The following KNTC1 variants were observed in gnomAD, a reference collection of about 807,000 sequenced individuals.
KNTC1 encodes kinetochore associated 1, also known as kinetochore-associated protein 1.
A neutral mutation model predicts 314.4 loss-of-function variants in KNTC1; 253 were observed. That is an observed-to-expected ratio of 0.80 (90% confidence interval 0.73 to 0.89). The LOEUF (loss-of-function observed/expected upper bound fraction) is 0.89. Ranked by LOEUF, KNTC1 falls within the 40% of genes least tolerant of loss-of-function variation. The pLI, the probability that KNTC1 is intolerant of heterozygous loss-of-function variation, is 0.00. For missense variants in KNTC1, 2,475 were observed against 2,572.9 expected (o/e 0.96, Z 0.82); for synonymous variants, 901 against 901.4 (o/e 1.00, Z 0.01).
At chr12:122,613,889 G>A in intron 55 of KNTC1, 128 bp downstream of exon 55, 1 of 913,088 alleles carries the variant, frequency 1.1e-6, no homozygotes, top group Non-Finnish European at 1.5e-6. Context: ...TGCCCAGGCT[G>A]GAGTACAGTG....
At chr12:122,570,802 A>T in intron 22 of KNTC1, 74 bp from the exon 23 acceptor site, 1 of 989,682 alleles carries the variant, frequency 1.0e-6, no homozygotes, top group East Asian at 2.6e-5. Flanking sequence ...AAGGAAAAAA[A>T]AGAAATCGTG....
At chr12:122,570,400 A>T (rs1043635769) in intron 22 of KNTC1, among the ~76,000 whole-genome samples, 1 of 151,850 alleles carries the variant, frequency 6.6e-6, no homozygotes, top group East Asian at 1.9e-4. Flanking sequence ...GCCTGTAATC[A>T]CAGCCACTCG....
At chr12:122,561,679 C>G (rs1404893862) in intron 18 of KNTC1, among the ~76,000 whole-genome samples, 1 of 151,996 alleles carries the variant, frequency 6.6e-6, no homozygotes, top group Non-Finnish European at 1.5e-5. Context: ...ATCCTGAACT[C>G]CTGAGCTCAA....
At chr12:122,534,837 G>T in intron 3 of KNTC1, 53 bp downstream of exon 3, 1 of 1,556,656 alleles carries the variant, frequency 6.4e-7, no homozygotes, top group Non-Finnish European at 8.8e-7. Context: ...AAATACATCT[G>T]CTGCCAATTT....
chr12:122,610,949 C>T (rs1566015348), intron 53 of KNTC1, 49 bp downstream of exon 53: 4 of 1,336,234 alleles, frequency 3.0e-6, no homozygotes, highest in African/African-American at 1.4e-5. Context: ...CTCAGCTTAA[C>T]ATTTTTTTCC....
chr12:122,564,597 A>T (rs962844876), intron 20 of KNTC1, among the ~76,000 whole-genome samples: 10 of 151,904 alleles, frequency 6.6e-5, no homozygotes, highest in African/African-American at 2.4e-4. Context: ...CCTCCCAAGT[A>T]GCTTGGGACT....
chr12:122,589,698 T>C (rs1869886538), intron 40 of KNTC1, among the ~76,000 whole-genome samples: 1 of 151,890 alleles, frequency 6.6e-6, no homozygotes, highest in Admixed American at 6.6e-5. Flanking sequence ...TCTTGGACTC[T>C]TGGCCTCGAG....
intron 17 of KNTC1, 37 bp downstream of exon 17, chr12:122,557,546 T>A: frequency 6.2e-7 from 1 of 1,611,874 alleles, no homozygotes; most frequent in Non-Finnish European, 8.5e-7. Flanking sequence ...GTATTTAGAT[T>A]GACGTGTTGA....
chr12:122,569,182 A>G (rs1216854659), intron 21 of KNTC1, among the ~76,000 whole-genome samples: 1 of 152,206 alleles, frequency 6.6e-6, no homozygotes, highest in Non-Finnish European at 1.5e-5. Context: ...CTAACTCCTA[A>G]TCTTAGCTCT....
chr12:122,555,764 G>A (rs868711947), intron 16 of KNTC1, among the ~76,000 whole-genome samples: 3 of 151,586 alleles, frequency 2.0e-5, no homozygotes, highest in Non-Finnish European at 4.4e-5. Context: ...CAGGAGAATC[G>A]CTTGAACCCG....
intron 16 of KNTC1, among the ~76,000 whole-genome samples, chr12:122,556,255 T>A (rs1170524020): frequency 6.6e-6 from 1 of 152,044 alleles, no homozygotes; most frequent in Admixed American, 6.6e-5. Context: ...TGAGCTCAGG[T>A]AATCCACCTG....
intron 5 of KNTC1, among the ~76,000 whole-genome samples, chr12:122,541,292 C>CCTTG: frequency 7.2e-6 from 1 of 138,992 alleles, no homozygotes. Flanking sequence ...TGCCTGCCTT[C>CCTTG]CTTCCTTCCT....
chr12:122,601,709 C>G, intron 45 of KNTC1, 84 bp downstream of exon 45: 2 of 1,217,142 alleles, frequency 1.6e-6, no homozygotes, highest in Non-Finnish European at 2.1e-6. Flanking sequence ...AGGGCCTTTC[C>G]AAATTATCCA....
In KNTC1 at chr12:122,624,582, C is replaced by A. The variant is rs746681919; in HGVS notation, c.6516-16C>A. 2.8e-5 allele frequency: 45 copies of A among 1,599,958 alleles called. 1 individual carries two copies. Among genetic ancestry groups the A allele is most frequent in the Non-Finnish European group, 3.6e-5 (42 of 1,168,832 alleles). On this transcript the variant is annotated splice_polypyrimidine_tract_variant and intron_variant, in intron 62 of 63. Coordinates refer to ENST00000333479, the MANE Select transcript of KNTC1 (RefSeq NM_014708.6). Reference sequence around the variant, plus strand: ...TGTGCTTGGCCTAACACTTCTTTTTCTTTTTGATTTTGTAGTTTAGATGAA... The same window carrying A: ...TGTGCTTGGCCTAACACTTCTTTTTATTTTTGATTTTGTAGTTTAGATGAA...
intron 5 of KNTC1, among the ~76,000 whole-genome samples, chr12:122,541,310 T>TTCCTTCCTTCCTTCCG (rs1270976375): frequency 2.1e-5 from 3 of 145,602 alleles, no homozygotes; most frequent in Non-Finnish European, 3.0e-5. Context: ...CCTTCCTTCC[T>TTCCTTCCTTCCTTCCG]TCCTTCCTTC....
chr12:122,561,106 G>A (rs1259004732), intron 18 of KNTC1, among the ~76,000 whole-genome samples: 2 of 152,136 alleles, frequency 1.3e-5, no homozygotes, highest in Non-Finnish European at 2.9e-5. Flanking sequence ...GAGGTCAGGA[G>A]TTCAAGAGCA....
At chr12:122,547,373 C>CT (rs1389579956) in intron 10 of KNTC1, 42 bp from the exon 11 acceptor site, 1 of 1,302,648 alleles carries the variant, frequency 7.7e-7, no homozygotes, top group Non-Finnish European at 1.1e-6. Context: ...AAAACTCTGT[C>CT]TCAAAAAAAA....
intron 6 of KNTC1, 85 bp downstream of exon 6, chr12:122,542,212 T>A: frequency 1.1e-6 from 1 of 894,536 alleles, no homozygotes. Flanking sequence ...TTAAGTACTC[T>A]CTTTAAGCTT....
In KNTC1 at chr12:122,615,534, G is replaced by GTT. The variant is rs752183399; in HGVS notation, c.6030+13_6030+14dup. On this transcript the variant is annotated intron_variant, in intron 57 of 63. Coordinates refer to ENST00000333479, the MANE Select transcript of KNTC1 (RefSeq NM_014708.6). ...ATCCATTCTTTATGGCAGGTATGTA[G>GTT]TTTTTTAAAATAAATTTTATTGAAT... 426 of 1,518,650 alleles carry GTT rather than the reference G, an allele frequency of 2.8e-4. 1 individual carries two copies. The highest frequency in any genetic ancestry group is 3.4e-4 in the Non-Finnish European group (380 of 1,126,914). 94.1% of individuals were successfully genotyped at this position (1,518,650 alleles called of 1,614,324 possible).
Sources: allele counts gnomAD v4.1 joint callset (sites outside exome capture counted in the v4.1 genomes callset), GRCh38; gene constraint gnomAD v4.1.1; transcripts MANE v1.5; gene names NCBI Gene and HGNC (gene_info 2026-07-23, HGNC 2026-07-21).